EPN2: variants seen among roughly 807,000 people sequenced by gnomAD.
EPN2 encodes the protein epsin-2.
A neutral mutation model predicts 61.7 loss-of-function variants in EPN2; 34 were observed. The ratio of observed to expected loss-of-function variants is 0.55; its 90% CI spans 0.42 to 0.73. EPN2 has a LOEUF of 0.73. EPN2 is among the 30% of genes least tolerant of loss of function. The probability of loss-of-function intolerance (pLI) is 0.00; values close to 1 mark genes in which losing one functional copy is unlikely to be tolerated. For missense variants in EPN2, 714 were observed against 839.2 expected (o/e 0.85, Z 1.84); for synonymous variants, 349 against 353.6 (o/e 0.99, Z 0.15).
chr17:19,324,777 GGATAAA>G (rs1326695684), intron 7 of EPN2, among the ~76,000 whole-genome samples: 4 of 152,088 alleles, frequency 2.6e-5, no homozygotes, highest in Non-Finnish European at 5.9e-5. Context: ...GAAATTATAA[GGATAAA>G]GATAGAAATT....
At chr17:19,298,290 G>A (rs2045540718) in intron 4 of EPN2, among the ~76,000 whole-genome samples, 1 of 152,118 alleles carries the variant, frequency 6.6e-6, no homozygotes, top group African/African-American at 2.4e-5. Context: ...CGCCCCCCAG[G>A]TTCAAGTGAT....
intron 4 of EPN2, among the ~76,000 whole-genome samples, chr17:19,300,979 G>A (rs1373306068): frequency 6.6e-6 from 1 of 152,216 alleles, no homozygotes; most frequent in African/African-American, 2.4e-5. Context: ...TGGCCTTAGA[G>A]CTGATACTTA....
chr17:19,278,140 T>A (rs1031004606), intron 1 of EPN2, among the ~76,000 whole-genome samples: 1 of 152,002 alleles, frequency 6.6e-6, no homozygotes, highest in Admixed American at 6.6e-5. Flanking sequence ...TTTATTTGTT[T>A]GTTTATTTAT....
At chr17:19,246,732 T>G (rs1447879788) in intron 1 of EPN2, among the ~76,000 whole-genome samples, 3 of 149,872 alleles carry the variant, frequency 2.0e-5, no homozygotes, top group African/African-American at 7.3e-5. Flanking sequence ...TTTTGTTTTT[T>G]TTTTCCCCCC....
chr17:19,272,526 G>T (rs1260807968), intron 1 of EPN2, among the ~76,000 whole-genome samples: 1 of 152,106 alleles, frequency 6.6e-6, no homozygotes, highest in African/African-American at 2.4e-5. Context: ...GATTTGGGGT[G>T]AGCATCTGGT....
At chr17:19,277,373 C>G (rs1429339681) in intron 1 of EPN2, among the ~76,000 whole-genome samples, 2 of 143,780 alleles carry the variant, frequency 1.4e-5, no homozygotes, top group African/African-American at 5.3e-5. Flanking sequence ...GGCACTCCAG[C>G]CTGGGCAAAA....
chr17:19,306,704 A>C (rs1377511789), intron 4 of EPN2, among the ~76,000 whole-genome samples: 1 of 152,138 alleles, frequency 6.6e-6, no homozygotes, highest in Non-Finnish European at 1.5e-5. Flanking sequence ...CTCCCCCTCC[A>C]ACCTGGCTGT....
chr17:19,313,160 G>C lies in EPN2; in HGVS notation c.1028G>C (p.Ser343Thr), dbSNP rs1906227893. Residue 343 changes from serine to threonine, a missense_variant, in exon 7 of 11, where the codon AGC (serine) becomes ACC (threonine). Physicochemically the swap from Ser to Thr is moderately conservative, Grantham distance 58 (BLOSUM62 1). This residue lies in a region of EPN2 where 410 missense variants were observed against 421.8 expected (regional missense o/e 0.97). Coordinates refer to ENST00000314728, the MANE Select transcript of EPN2 (RefSeq NM_014964.5). ...TLLDLMDALPSSGPAAQKAEP... is the reference protein window; with the variant it reads ...TLLDLMDALPTSGPAAQKAEP... ...TTGGATTTAATGGATGCTCTCCCCA[G>C]CTCGGGCCCCGCGGCCCAGAAAGCA... is the stretch of plus-strand genomic sequence containing the variant. 1 of 1,613,686 alleles carries C rather than the reference G, an allele frequency of 6.2e-7. No homozygotes were observed. Among genetic ancestry groups the C allele is most frequent in the Non-Finnish European group, 8.5e-7 (1 of 1,179,852 alleles).
chr17:19,268,297 G>A (rs1450031298), intron 1 of EPN2, among the ~76,000 whole-genome samples: 1 of 152,182 alleles, frequency 6.6e-6, no homozygotes, highest in Non-Finnish European at 1.5e-5. Flanking sequence ...GCTGGCATGG[G>A]GATCTGGTCA....
intron 1 of EPN2, among the ~76,000 whole-genome samples, chr17:19,272,634 C>T (rs1597985465): frequency 6.6e-6 from 1 of 152,286 alleles, no homozygotes; most frequent in African/African-American, 2.4e-5. Context: ...TTCCCATCTC[C>T]TCTCACTACC....
chr17:19,288,467 G>C (rs1258278096), intron 4 of EPN2, among the ~76,000 whole-genome samples: 3 of 152,202 alleles, frequency 2.0e-5, no homozygotes, highest in African/African-American at 7.2e-5. Context: ...AGAGAGGGTG[G>C]CTTGCAGTAT....
chr17:19,329,781 A>C (rs565841116), intron 9 of EPN2, 134 bp downstream of exon 9: 8 of 628,476 alleles, frequency 1.3e-5, no homozygotes, highest in Non-Finnish European at 2.3e-5. Flanking sequence ...GGGAGCCTGA[A>C]GTTTCTAATT....
chr17:19,252,019 T>C (rs913757359), intron 1 of EPN2, among the ~76,000 whole-genome samples: 1 of 152,210 alleles, frequency 6.6e-6, no homozygotes, highest in Non-Finnish European at 1.5e-5. Context: ...ATTTTGATTG[T>C]GACCCCGTTG....
intron 1 of EPN2, among the ~76,000 whole-genome samples, chr17:19,239,602 T>TA (rs2044860578): frequency 6.6e-6 from 1 of 152,224 alleles, no homozygotes; most frequent in African/African-American, 2.4e-5. Context: ...AAGATTTTGG[T>TA]AAAGTGTAAG....
intron 4 of EPN2, among the ~76,000 whole-genome samples, chr17:19,302,108 A>C (rs1173614257): frequency 3.3e-5 from 5 of 152,212 alleles, no homozygotes; most frequent in Non-Finnish European, 7.3e-5. Flanking sequence ...GTCAGACTCC[A>C]CCTGCCCCAG....
intron 7 of EPN2, among the ~76,000 whole-genome samples, chr17:19,318,184 C>T (rs965038346): frequency 6.6e-6 from 1 of 152,198 alleles, no homozygotes; most frequent in Non-Finnish European, 1.5e-5. Flanking sequence ...GGATTTGATT[C>T]AAGCACAGAC....
At chr17:19,328,455 C>G (rs1175617822) in intron 7 of EPN2, among the ~76,000 whole-genome samples, 1 of 152,144 alleles carries the variant, frequency 6.6e-6, no homozygotes, top group Non-Finnish European at 1.5e-5. Flanking sequence ...TCAGCTGCTT[C>G]CTCTGGTCAT....
intron 1 of EPN2, among the ~76,000 whole-genome samples, chr17:19,281,563 A>G (rs1486224166): frequency 6.6e-6 from 1 of 152,082 alleles, no homozygotes; most frequent in Non-Finnish European, 1.5e-5. Context: ...GGTAGGAGCT[A>G]CCTGTTGTTT....
intron 5 of EPN2, among the ~76,000 whole-genome samples, chr17:19,311,536 C>A (rs1906139436): frequency 6.6e-6 from 1 of 151,958 alleles, no homozygotes. Flanking sequence ...TAGGACAACC[C>A]TGTCTTTTGC....
Sources: allele counts gnomAD v4.1 joint callset (sites outside exome capture counted in the v4.1 genomes callset), GRCh38; gene constraint gnomAD v4.1.1; regional missense constraint gnomAD v4.1.1; transcripts MANE v1.5; gene names NCBI Gene and HGNC (gene_info 2026-07-23, HGNC 2026-07-21).